The following C16orf96 variants were observed in gnomAD, a reference collection of about 807,000 sequenced individuals.
C16orf96 encodes the protein uncharacterized protein C16orf96.
In C16orf96, 108 loss-of-function variants were observed where a neutral mutation model predicts 103.6. The observed-to-expected ratio is 1.04, with a 90% confidence interval of 0.89 to 1.22. The LOEUF (loss-of-function observed/expected upper bound fraction) is 1.22. Among genes scored for constraint, C16orf96 ranks in the 50% most tolerant of loss-of-function variants. C16orf96 has a pLI of 0.00. For synonymous variants in C16orf96, 566 were observed against 593.5 expected, an observed-to-expected ratio of 0.95 and a Z score of 0.67; for missense variants, 1,586 against 1,464.2, an observed-to-expected ratio of 1.08 and a Z score of -1.36.
intron 7 of C16orf96, among the ~76,000 whole-genome samples, chr16:4,583,067 C>A (rs747693851): frequency 6.6e-6 from 1 of 152,048 alleles, no homozygotes. Flanking sequence ...GAAAGCCGAT[C>A]GCTACTAAAA....
intron 1 of C16orf96, among the ~76,000 whole-genome samples, chr16:4,563,474 C>T (rs902830188): frequency 6.6e-6 from 1 of 151,922 alleles, no homozygotes; most frequent in African/African-American, 2.4e-5. Context: ...AGGCTGGTCT[C>T]GAACTCTTGA....
the C16orf96 span, among the ~76,000 whole-genome samples, chr16:4,549,624 C>T: frequency 6.6e-6 from 1 of 151,800 alleles, no homozygotes; most frequent in African/African-American, 2.4e-5. Flanking sequence ...ATAGGGAAAC[C>T]CCATCTCTAC....
chr16:4,597,273 C>T (rs1178435072), intron 14 of C16orf96, among the ~76,000 whole-genome samples: 1 of 152,184 alleles, frequency 6.6e-6, no homozygotes, highest in African/African-American at 2.4e-5. Flanking sequence ...ACAACGGTGG[C>T]TAATATTTAA....
chr16:4,594,218 C>A, intron 12 of C16orf96, 133 bp from the exon 13 acceptor site: 2 of 1,063,742 alleles, frequency 1.9e-6, no homozygotes, highest in Non-Finnish European at 2.7e-6. Flanking sequence ...CCAGGCCTGC[C>A]TGGCTGTGCC....
chr16:4,555,214 G>T (rs1193381790), upstream of C16orf96, among the ~76,000 whole-genome samples: 2 of 150,980 alleles, frequency 1.3e-5, no homozygotes, highest in Non-Finnish European at 2.9e-5. Context: ...AGTGAGCGGA[G>T]ATCGCGCCAC....
At chr16:4,573,259 A>G (rs1235033271) in intron 2 of C16orf96, among the ~76,000 whole-genome samples, 3 of 151,810 alleles carry the variant, frequency 2.0e-5, no homozygotes, top group South Asian at 2.1e-4. Context: ...CCAACATGGT[A>G]AAACCCCCGT....
intron 14 of C16orf96, among the ~76,000 whole-genome samples, chr16:4,596,165 G>A (rs1897167071): frequency 6.6e-6 from 1 of 152,104 alleles, no homozygotes; most frequent in South Asian, 2.1e-4. Flanking sequence ...AGCAGCTGAA[G>A]TTCCTTCATT....
Position 4,579,034 on chromosome 16 carries a change from C to A in C16orf96, c.2241+9C>A. Reference sequence around the variant, plus strand: ...AGAAATCTAGGCTCAAGGTTAGTGTCTCCGGCGAAGGGCTTTTGAGGCAGT... The same window carrying A: ...AGAAATCTAGGCTCAAGGTTAGTGTATCCGGCGAAGGGCTTTTGAGGCAGT... On this transcript the variant is annotated intron_variant, in intron 6 of 15. Transcript: ENST00000444310. 1.3e-6 allele frequency: 2 copies of A among 1,550,890 alleles called. No individual in the cohort carries two copies. The highest frequency in any genetic ancestry group is 1.7e-6 in the Non-Finnish European group (2 of 1,146,418).
intron 1 of C16orf96, among the ~76,000 whole-genome samples, chr16:4,558,071 C>G (rs1384136606): frequency 1.1e-4 from 17 of 152,192 alleles, no homozygotes; most frequent in Admixed American, 1.1e-3. Context: ...GAGATAGACA[C>G]AAGTGAGTGA....
At chr16:4,574,912 G>A in intron 3 of C16orf96, 60 bp from the exon 4 acceptor site, 1 of 1,526,638 alleles carries the variant, frequency 6.6e-7, no homozygotes, top group Non-Finnish European at 8.9e-7. Context: ...TTCTTTGCAG[G>A]TGTGGGGGAC....
the C16orf96 span, among the ~76,000 whole-genome samples, chr16:4,544,463 C>T: frequency 6.6e-6 from 1 of 152,120 alleles, no homozygotes; most frequent in Non-Finnish European, 1.5e-5. Flanking sequence ...AAAATATTAG[C>T]TGGGTGTGGT....
intron 5 of C16orf96, among the ~76,000 whole-genome samples, chr16:4,577,037 C>T (rs1045841180): frequency 6.6e-6 from 1 of 152,026 alleles, no homozygotes; most frequent in African/African-American, 2.4e-5. Flanking sequence ...ACTAAAAATA[C>T]AAAATTTGCT....
upstream of C16orf96, among the ~76,000 whole-genome samples, chr16:4,552,262 A>G (rs1302044391): frequency 2.0e-5 from 3 of 152,078 alleles, no homozygotes; most frequent in African/African-American, 7.2e-5. Flanking sequence ...CAGGCAGATC[A>G]CCTGAGGTCA....
intron 7 of C16orf96, among the ~76,000 whole-genome samples, chr16:4,582,079 C>T (rs1372817770): frequency 6.6e-6 from 1 of 151,960 alleles, no homozygotes; most frequent in Non-Finnish European, 1.5e-5. Flanking sequence ...GTCAGGAGTT[C>T]GAGACCAGCC....
chr16:4,557,813 G>A (rs2059282270), intron 1 of C16orf96, among the ~76,000 whole-genome samples: 1 of 152,064 alleles, frequency 6.6e-6, no homozygotes, highest in African/African-American at 2.4e-5. Context: ...GGGACCACAG[G>A]TGTGCACCAC....
At chr16:4,591,889 G>A (rs1897067393) in intron 10 of C16orf96, 105 bp downstream of exon 10, 3 of 912,708 alleles carry the variant, frequency 3.3e-6, no homozygotes, top group South Asian at 2.9e-5. Flanking sequence ...TTTGGATGAG[G>A]GGATGGGGGC....
intron 5 of C16orf96, among the ~76,000 whole-genome samples, chr16:4,577,514 G>A (rs1596527036): frequency 1.3e-5 from 2 of 152,154 alleles, no homozygotes; most frequent in South Asian, 4.2e-4. Flanking sequence ...AGCTGGGCAT[G>A]GTGGCGGGCG....
rs1401480314 is a variant in C16orf96, at chr16:4,575,427, C to T, written c.947C>T (p.Ser316Phe). The T allele has an allele frequency of 7.4e-5, 115 of 1,549,746 alleles. No individual in the cohort carries two copies. The highest frequency in any genetic ancestry group is 1.0e-4 in the Non-Finnish European group (115 of 1,146,914). The change falls in exon 5 of 16, where the codon TCT becomes TTT. Residue 316 changes from serine (S) to phenylalanine (F), a missense_variant. Coordinates refer to ENST00000444310, the MANE Select transcript of C16orf96 (RefSeq NM_001145011.2). ...CAGCCTCCGGCCCTCACGCCTGAGT[C>T]TGCACCTGGGTGCACAACTGAATTT... ...PAQPPALTPESAPGCTTEFAP... is the reference protein window; with the variant it reads ...PAQPPALTPEFAPGCTTEFAP...
the C16orf96 span, among the ~76,000 whole-genome samples, chr16:4,551,318 A>C: frequency 1.3e-5 from 2 of 152,080 alleles, no homozygotes; most frequent in Non-Finnish European, 2.9e-5. Flanking sequence ...GAATTTTCCC[A>C]AACTGGCCAC....
Sources: allele counts gnomAD v4.1 joint callset (sites outside exome capture counted in the v4.1 genomes callset), GRCh38; gene constraint gnomAD v4.1.1; transcripts MANE v1.5; gene names NCBI Gene and HGNC (gene_info 2026-07-23, HGNC 2026-07-21).